ADGRB3: variants seen among roughly 807,000 people sequenced by gnomAD.
The protein encoded by ADGRB3 is adhesion G protein-coupled receptor B3, also known as brain-specific angiogenesis inhibitor 3.
Under a neutral mutation model 193.4 loss-of-function variants are expected in ADGRB3, and 37 were observed. That is an observed-to-expected ratio of 0.19 (90% confidence interval 0.15 to 0.25). The LOEUF (loss-of-function observed/expected upper bound fraction) is 0.25, where lower values mean the gene tolerates loss of function less well. ADGRB3 is among the 10% of genes least tolerant of loss of function. ADGRB3 has a pLI of 1.00. For missense variants in ADGRB3, 1,637 were observed against 1,852.9 expected (o/e 0.88, Z 2.14); for synonymous variants, 690 against 644.2 (o/e 1.07, Z -1.08).
At chr6:68,952,927 A>G (rs1357363432) in intron 6 of ADGRB3, among the ~76,000 whole-genome samples, 1 of 152,216 alleles carries the variant, frequency 6.6e-6, no homozygotes, top group Non-Finnish European at 1.5e-5. Flanking sequence ...ATGGTTAGAA[A>G]GGATTGAACA....
chr6:69,207,720 T>G (rs1324485233), intron 17 of ADGRB3, among the ~76,000 whole-genome samples: 1 of 152,188 alleles, frequency 6.6e-6, no homozygotes, highest in Non-Finnish European at 1.5e-5. Context: ...ATCCAGCTGC[T>G]TCAAGATGAT....
intron 11 of ADGRB3, among the ~76,000 whole-genome samples, chr6:68,999,079 A>G (rs1769482983): frequency 6.6e-6 from 1 of 152,192 alleles, no homozygotes; most frequent in African/African-American, 2.4e-5. Flanking sequence ...AAAATTGTAA[A>G]AACCTCATAC....
intron 8 of ADGRB3, among the ~76,000 whole-genome samples, chr6:68,963,662 C>T (rs1286925533): frequency 1.3e-5 from 2 of 152,118 alleles, no homozygotes; most frequent in East Asian, 1.9e-4. Context: ...CTGTTATTCA[C>T]TTGGGCTCCC....
rs866876277 is a variant in ADGRB3 at position 69,226,987 on chromosome 6, G to A, written c.2481-6303G>A. ...GTCACCATACATATATCCAGATTCA[G>A]AGGAGGAGGTAATAGACTCCGTCTC... On this transcript the variant is annotated intron_variant, in intron 17 of 31. Coordinates refer to ENST00000370598, the MANE Select transcript of ADGRB3 (RefSeq NM_001704.3). Among the ~76,000 whole-genome samples the A allele has an allele frequency of 1.8e-4, 28 of 152,338 alleles. 1 individual carries two copies. Among genetic ancestry groups the A allele is most frequent in the African/African-American group, 6.5e-4 (27 of 41,576 alleles).
intron 3 of ADGRB3, among the ~76,000 whole-genome samples, chr6:68,914,040 A>T (rs979210474): frequency 6.6e-6 from 1 of 151,780 alleles, no homozygotes; most frequent in Non-Finnish European, 1.5e-5. Flanking sequence ...ATATGGGACT[A>T]TGTGAAAAGA....
intron 3 of ADGRB3, among the ~76,000 whole-genome samples, chr6:68,657,432 C>T (rs1032299648): frequency 3.3e-5 from 5 of 151,206 alleles, no homozygotes; most frequent in South Asian, 2.1e-4. Context: ...TTTAAACAGA[C>T]GAAAATATGG....
rs998432886 is a variant in ADGRB3, at chr6:69,074,834, T to C, written c.2437-1161T>C. 1.2e-4 allele frequency among the ~76,000 whole-genome samples: 18 copies of C among 152,274 alleles called. No homozygotes were observed. In the South Asian group the frequency reaches 1.2e-3, roughly 11 times the overall value. ...TGCTGGGATTACAGGCGTGAGCCAC[T>C]GCGCCCGGCCTCAGGACTGTATCTT... On this transcript the variant is annotated intron_variant, in intron 16 of 31. Coordinates refer to ENST00000370598, the MANE Select transcript of ADGRB3 (RefSeq NM_001704.3).
intron 3 of ADGRB3, among the ~76,000 whole-genome samples, chr6:68,657,334 G>A (rs141543732): frequency 1.6e-3 from 238 of 151,548 alleles, no homozygotes; most frequent in East Asian, 0.013. Context: ...AATAAGCCTA[G>A]GTCTCAGTGC....
At chr6:68,765,758 AC>A (rs1766497554) in intron 3 of ADGRB3, among the ~76,000 whole-genome samples, 1 of 152,042 alleles carries the variant, frequency 6.6e-6, no homozygotes, top group Admixed American at 6.6e-5. Flanking sequence ...ATAAAATTGG[AC>A]AGTTTTGCCT....
intron 3 of ADGRB3, among the ~76,000 whole-genome samples, chr6:68,864,759 G>C (rs867508877): frequency 3.9e-5 from 6 of 152,158 alleles, no homozygotes; most frequent in Non-Finnish European, 7.4e-5. Context: ...CCTGGGTTGA[G>C]CTAAAATCCC....
intron 17 of ADGRB3, among the ~76,000 whole-genome samples, chr6:69,199,969 CA>C (rs370962588): frequency 0.022 from 3,310 of 149,464 alleles, 123 homozygotes; most frequent in African/African-American, 0.072. Flanking sequence ...CAATGTTGAT[CA>C]AAAAAAAAGG....
At chr6:69,147,280 T>C (rs1774530474) in intron 17 of ADGRB3, among the ~76,000 whole-genome samples, 2 of 152,184 alleles carry the variant, frequency 1.3e-5, no homozygotes, top group African/African-American at 2.4e-5. Context: ...TATGCACTTG[T>C]AGCTATAAAA....
chr6:69,346,227 GA>G (rs1228668112), intron 26 of ADGRB3, among the ~76,000 whole-genome samples: 4 of 152,102 alleles, frequency 2.6e-5, no homozygotes, highest in Admixed American at 6.5e-5. Context: ...CACAGAATTA[GA>G]AAAAACTACT....
chr6:69,018,085 A>G (rs1770149416), intron 12 of ADGRB3, among the ~76,000 whole-genome samples: 1 of 151,908 alleles, frequency 6.6e-6, no homozygotes, highest in Admixed American at 6.6e-5. Flanking sequence ...TTGTTAAGTG[A>G]TGAAAAGAGT....
intron 3 of ADGRB3, among the ~76,000 whole-genome samples, chr6:68,642,721 A>C (rs1311561948): frequency 2.9e-5 from 4 of 137,394 alleles, no homozygotes; most frequent in African/African-American, 1.1e-4. Flanking sequence ...AGTTAACAAA[A>C]TGAAGCCTTT....
At chr6:69,268,641 C>T (rs1432504377) in intron 20 of ADGRB3, among the ~76,000 whole-genome samples, 1 of 152,178 alleles carries the variant, frequency 6.6e-6, no homozygotes, top group Non-Finnish European at 1.5e-5. Flanking sequence ...TTGTTCTCAG[C>T]ATGGAAGCAG....
chr6:68,777,649 A>AATT (rs796534559), intron 3 of ADGRB3, among the ~76,000 whole-genome samples: 14 of 148,602 alleles, frequency 9.4e-5, no homozygotes, highest in African/African-American at 3.6e-4. Context: ...GGAAGCAATC[A>AATT]ATTGATCTCT....
intron 3 of ADGRB3, among the ~76,000 whole-genome samples, chr6:68,901,364 C>A (rs952738638): frequency 1.2e-4 from 18 of 152,212 alleles, no homozygotes; most frequent in African/African-American, 4.3e-4. Flanking sequence ...TTTTCCGGGA[C>A]AAATAATTCA....
At chr6:68,648,827 C>T (rs1768279554) in intron 3 of ADGRB3, among the ~76,000 whole-genome samples, 1 of 150,738 alleles carries the variant, frequency 6.6e-6, no homozygotes, top group African/African-American at 2.4e-5. Flanking sequence ...TGTACCTAAA[C>T]ACTAATAATT....
Sources: gnomAD v4.1 joint callset for allele counts (sites outside exome capture counted in the v4.1 genomes callset) on GRCh38, gnomAD v4.1.1 for gene constraint, MANE v1.5 for transcripts, NCBI Gene and HGNC (gene_info 2026-07-23, HGNC 2026-07-21) for gene names.